The following VAV1 variants were observed in gnomAD, a reference collection of about 807,000 sequenced individuals.
VAV1 encodes vav guanine nucleotide exchange factor 1.
Under a neutral mutation model 128.1 loss-of-function variants are expected in VAV1, and 33 were observed. The ratio of observed to expected loss-of-function variants is 0.26; its 90% CI spans 0.20 to 0.34. The LOEUF is 0.34. Among genes scored for constraint, VAV1 ranks in the 10% least tolerant of loss-of-function variants. The pLI, the probability that VAV1 is intolerant of heterozygous loss-of-function variation, is 1.00. For missense variants in VAV1, 715 were observed against 1,093.7 expected, an observed-to-expected ratio of 0.65 and a Z score of 4.88; for synonymous variants, 394 against 409.8, an observed-to-expected ratio of 0.96 and a Z score of 0.47.
At chr19:6,844,050 T>TCTC (rs1424197284) in intron 22 of VAV1, among the ~76,000 whole-genome samples, 4 of 141,694 alleles carry the variant, frequency 2.8e-5, no homozygotes, top group Non-Finnish European at 6.1e-5. Flanking sequence ...TTTCTTCTTT[T>TCTC]CTTCTTCTTC....
chr19:6,797,745 A>C (rs1396657779), intron 1 of VAV1, among the ~76,000 whole-genome samples: 1 of 140,222 alleles, frequency 7.1e-6, no homozygotes, highest in Non-Finnish European at 1.5e-5. Flanking sequence ...ACTCCGTCTA[A>C]AAAAAAAAAA....
chr19:6,814,001 A>T (rs1971568301), intron 1 of VAV1, among the ~76,000 whole-genome samples: 1 of 152,192 alleles, frequency 6.6e-6, no homozygotes, highest in African/African-American at 2.4e-5. Context: ...TCAAGGTTAC[A>T]GTGAACTATG....
chr19:6,833,138 A>G (rs932635684), intron 15 of VAV1, 46 bp from the exon 16 acceptor site: 7 of 1,529,406 alleles, frequency 4.6e-6, no homozygotes, highest in Non-Finnish European at 5.3e-6. Context: ...AAAAGGAATA[A>G]AATACTGACC....
chr19:6,800,186 G>A (rs1002528854), intron 1 of VAV1, among the ~76,000 whole-genome samples: 2 of 151,740 alleles, frequency 1.3e-5, no homozygotes, highest in Non-Finnish European at 1.5e-5. Context: ...CCTTTGTGCT[G>A]GAATTGCAAG....
intron 1 of VAV1, among the ~76,000 whole-genome samples, chr19:6,809,502 G>T (rs532315956): frequency 6.6e-6 from 1 of 152,174 alleles, no homozygotes; most frequent in South Asian, 2.1e-4. Flanking sequence ...TGCATTTAGC[G>T]TGTGGCAACC....
chr19:6,846,917 G>T (rs1305562706), intron 22 of VAV1, among the ~76,000 whole-genome samples: 308 of 135,332 alleles, frequency 2.3e-3, no homozygotes, highest in Middle Eastern at 3.8e-3. Context: ...GTGGCTTTTT[G>T]TTTTTTTTTT....
Position 6,833,597 on chromosome 19 carries a change from G to A in VAV1, c.1680G>A (p.Arg560=). The A allele has an allele frequency of 6.2e-7, 1 of 1,613,756 alleles. No individual in the cohort carries two copies. Among genetic ancestry groups the A allele is most frequent in the East Asian group, 2.2e-5 (1 of 44,878 alleles). ...RASAHKECLG[R]VPPCGRHGQD... Reference sequence around the variant, plus strand: ...CTGCACACAAGGAGTGTCTGGGGAGGGTCCCTCCATGTGGCCGACATGGGC... The same window carrying A: ...CTGCACACAAGGAGTGTCTGGGGAGAGTCCCTCCATGTGGCCGACATGGGC... The change falls in exon 17 of 27, where the codon AGG becomes AGA. Residue 560 remains arginine, a synonymous_variant. Transcript: ENST00000602142.
At chr19:6,803,170 T>C in intron 1 of VAV1, among the ~76,000 whole-genome samples, 1 of 151,474 alleles carries the variant, frequency 6.6e-6, no homozygotes, top group African/African-American at 2.5e-5. Context: ...GAAGTGAAAG[T>C]GCATAGCGGC....
At chr19:6,855,234 A>T (rs1333617583) in intron 26 of VAV1, among the ~76,000 whole-genome samples, 1 of 152,236 alleles carries the variant, frequency 6.6e-6, no homozygotes, top group Non-Finnish European at 1.5e-5. Context: ...TGGGGAAAAT[A>T]TACACAAAAA....
intron 1 of VAV1, among the ~76,000 whole-genome samples, chr19:6,805,085 C>T (rs112998031): frequency 0.19 from 29,535 of 151,622 alleles, 5,580 homozygotes; most frequent in African/African-American, 0.49. Context: ...CAGAAATTTC[C>T]AGGGAAGGGG....
chr19:6,828,959 C>G lies in VAV1; in HGVS notation c.1265+59C>G. ...CTGGGCAAAGGGGTGGGACCAGGCT[C>G]CTAGATGGGCAGGTGGGTGGAGTCA... On this transcript the variant is annotated intron_variant, in intron 13 of 26. Transcript: ENST00000602142. This position sits in a 1 kb window ranked among gnomAD's most constrained non-coding sequence, Gnocchi z 4.5. 3 of 1,591,808 alleles carry G rather than the reference C, an allele frequency of 1.9e-6. No individual in the cohort carries two copies. In the Admixed American group the frequency reaches 5.1e-5, roughly 27 times the overall value.
At chr19:6,841,787 A>G in intron 21 of VAV1, among the ~76,000 whole-genome samples, 1 of 151,924 alleles carries the variant, frequency 6.6e-6, no homozygotes, top group Non-Finnish European at 1.5e-5. Context: ...ACTGTTTTTC[A>G]TAGTGCACCA....
chr19:6,828,082 T>A lies in VAV1; in HGVS notation c.934T>A (p.Ser312Thr). The A allele has an allele frequency of 6.2e-7, 1 of 1,614,210 alleles. No individual in the cohort carries two copies. Among genetic ancestry groups the A allele is most frequent in the Non-Finnish European group, 8.5e-7 (1 of 1,180,028 alleles). ...TTGTTCTCTGATTCCCCAGGAATGT[T>A]CTCAGAGAGCCAACAACGGGAGGTT... The part of the protein sequence containing the change: ...EDVQMKLEEC[S>T]QRANNGRFTL... Residue 312 changes from serine to threonine, a missense_variant, in exon 10 of 27, where the codon TCT becomes ACT. Ser to Thr is a moderately conservative substitution (Grantham distance 58). Coordinates refer to ENST00000602142, the MANE Select transcript of VAV1 (RefSeq NM_005428.4). This position sits in a 1 kb window ranked among gnomAD's most constrained non-coding sequence, Gnocchi z 4.5.
intron 1 of VAV1, among the ~76,000 whole-genome samples, chr19:6,794,869 A>G (rs1971095708): frequency 6.6e-6 from 1 of 152,128 alleles, no homozygotes; most frequent in African/African-American, 2.4e-5. Flanking sequence ...CATGGTGAGA[A>G]ACTTTGACTT....
At chr19:6,773,815 A>G (rs1026871282) in intron 1 of VAV1, among the ~76,000 whole-genome samples, 6 of 151,970 alleles carry the variant, frequency 3.9e-5, no homozygotes, top group African/African-American at 1.5e-4. Context: ...TGGCTGCATT[A>G]TGTTGCTGTA....
intron 26 of VAV1, among the ~76,000 whole-genome samples, chr19:6,855,448 C>A (rs1972769944): frequency 6.6e-6 from 1 of 151,950 alleles, no homozygotes; most frequent in African/African-American, 2.4e-5. Context: ...ATCATCCATT[C>A]ATCTGTGCAT....
intron 22 of VAV1, among the ~76,000 whole-genome samples, chr19:6,844,065 T>TC (rs1568316160): frequency 2.7e-5 from 1 of 36,638 alleles, no homozygotes; most frequent in Non-Finnish European, 5.6e-5. Context: ...TTCTTCTTCT[T>TC]TTTTTTTTTT....
At chr19:6,782,997 T>C (rs957775271) in intron 1 of VAV1, among the ~76,000 whole-genome samples, 3 of 151,626 alleles carry the variant, frequency 2.0e-5, no homozygotes, top group Admixed American at 6.6e-5. Flanking sequence ...CTGACCAATA[T>C]GGGGAAATCC....
intron 1 of VAV1, among the ~76,000 whole-genome samples, chr19:6,783,386 C>A (rs930029478): frequency 6.6e-6 from 1 of 151,762 alleles, no homozygotes; most frequent in Non-Finnish European, 1.5e-5. Context: ...TTCCCGAAGG[C>A]CCTTGGAGTC....
Sources: gnomAD v4.1 joint callset for allele counts (sites outside exome capture counted in the v4.1 genomes callset) on GRCh38, gnomAD v4.1.1 for gene constraint, Gnocchi (gnomAD v3.1) non-coding constraint, MANE v1.5 for transcripts, NCBI Gene and HGNC (gene_info 2026-07-23, HGNC 2026-07-21) for gene names.